TMIGD3: variants seen among roughly 807,000 people sequenced by gnomAD.
TMIGD3 encodes the protein AD026 protein (AD026).
Under a neutral mutation model 28.1 loss-of-function variants are expected in TMIGD3, and 21 were observed. The observed-to-expected ratio is 0.75, with a 90% CI of 0.53 to 1.08. The LOEUF (loss-of-function observed/expected upper bound fraction) is 1.08. Among genes scored for constraint, TMIGD3 ranks in the 50% least tolerant of loss-of-function variants. The pLI, the probability that TMIGD3 is intolerant of heterozygous loss-of-function variation, is 0.00. For missense variants in TMIGD3, 416 were observed against 435.6 expected (o/e 0.96, Z 0.40); for synonymous variants, 151 against 162.1 (o/e 0.93, Z 0.52).
At chr1:111,500,248 G>C in intron 1 of TMIGD3, 1 of 1,614,152 alleles carries the variant, frequency 6.2e-7, no homozygotes, top group Non-Finnish European at 8.5e-7. Context: ...TCCATAAAAT[G>C]CACCTGTCTC....
intron 1 of TMIGD3, chr1:111,499,796 G>T (rs1487398022): frequency 2.0e-6 from 3 of 1,471,158 alleles, no homozygotes; most frequent in Admixed American, 2.6e-5. Context: ...GTAGTGGAGT[G>T]GGGGAGATAT....
At chr1:111,525,517 T>C (rs80207885) in intron 1 of TMIGD3, among the ~76,000 whole-genome samples, 159 of 152,330 alleles carry the variant, frequency 1.0e-3, no homozygotes, top group South Asian at 2.3e-3. Flanking sequence ...GTTACCATGG[T>C]GTATGATTTT....
intron 5 of TMIGD3, among the ~76,000 whole-genome samples, chr1:111,484,117 C>T (rs188105800): frequency 6.6e-6 from 1 of 152,264 alleles, no homozygotes; most frequent in East Asian, 1.9e-4. Context: ...AAAGAAGTAG[C>T]GTTGAGTTCT....
upstream of TMIGD3, among the ~76,000 whole-genome samples, chr1:111,505,537 GAGA>G (rs1382250942): frequency 1.3e-5 from 2 of 152,216 alleles, no homozygotes; most frequent in African/African-American, 4.8e-5. Context: ...GAGAACAGAG[GAGA>G]AGGACTTTCA....
At chr1:111,543,817 G>T (rs895647201) in intron 1 of TMIGD3, among the ~76,000 whole-genome samples, 1 of 152,124 alleles carries the variant, frequency 6.6e-6, no homozygotes, top group Admixed American at 6.5e-5. Flanking sequence ...CATTCATTTT[G>T]TTATCCCAGG....
At chr1:111,487,082 T>C (rs971009646) in intron 3 of TMIGD3, among the ~76,000 whole-genome samples, 2 of 152,222 alleles carry the variant, frequency 1.3e-5, no homozygotes, top group Non-Finnish European at 2.9e-5. Context: ...GTAATTGCCA[T>C]GTTTTTCTTA....
At chr1:111,558,399 C>G (rs1657593049) in intron 1 of TMIGD3, among the ~76,000 whole-genome samples, 1 of 151,618 alleles carries the variant, frequency 6.6e-6, no homozygotes, top group African/African-American at 2.4e-5. Flanking sequence ...GTTGCCCAAG[C>G]TGGTCTTGAA....
intron 1 of TMIGD3, among the ~76,000 whole-genome samples, chr1:111,549,929 A>G (rs1263263693): frequency 4.6e-5 from 7 of 152,212 alleles, no homozygotes; most frequent in Non-Finnish European, 1.5e-5. Flanking sequence ...CTGGAATTAC[A>G]GGCATGAGCA....
chr1:111,485,864 C>A (rs115977304), intron 4 of TMIGD3, 24 bp from the exon 5 acceptor site: 64,731 of 1,575,652 alleles, frequency 0.041, 1,488 homozygotes, highest in Non-Finnish European at 0.043. Context: ...CAGCAGATTT[C>A]ATGTTGCTTG....
At chr1:111,508,071 G>C (rs751973719), upstream of TMIGD3, among the ~76,000 whole-genome samples, 3 of 152,238 alleles carry the variant, frequency 2.0e-5, no homozygotes, top group African/African-American at 7.2e-5. Context: ...CTCCATGCCA[G>C]TGTTGGTGGG....
chr1:111,536,638 A>AT (rs149105848), intron 1 of TMIGD3, among the ~76,000 whole-genome samples: 3 of 151,748 alleles, frequency 2.0e-5, no homozygotes, highest in East Asian at 1.9e-4. Context: ...ATGATAAACC[A>AT]TTTTTTTTGT....
Position 111,557,509 on chromosome 1 carries a change from C to A in TMIGD3, c.107+6337G>T, listed in dbSNP as rs137903629. ...AGGTTGCAGTGAGCCGAGATCACACCACTGCACTCCAGCCTGGGCAATAGA... is the reference window on the plus strand; with the variant it reads ...AGGTTGCAGTGAGCCGAGATCACACAACTGCACTCCAGCCTGGGCAATAGA... On this transcript the variant is annotated intron_variant, in intron 1 of 5. Coordinates refer to the TMIGD3 transcript ENST00000369717. 2.9e-3 allele frequency among the ~76,000 whole-genome samples: 435 copies of A among 151,822 alleles called. 3 individuals carry two copies. The highest frequency in any genetic ancestry group is 9.9e-3 in the African/African-American group (408 of 41,384).
At chr1:111,497,943 C>G in intron 1 of TMIGD3, among the ~76,000 whole-genome samples, 1 of 152,202 alleles carries the variant, frequency 6.6e-6, no homozygotes, top group East Asian at 1.9e-4. Context: ...AGGACCCTTC[C>G]TCTCATTTCT....
Position 111,488,771 on chromosome 1 carries a change from G to T in TMIGD3, c.711C>A (p.Ile237=). The T allele has an allele frequency of 6.2e-7, 1 of 1,614,204 alleles. No homozygotes were observed. Among genetic ancestry groups the T allele is most frequent in the Non-Finnish European group, 8.5e-7 (1 of 1,180,034 alleles). Residue 237 remains isoleucine, a synonymous_variant, in exon 3 of 6, where the codon ATC becomes ATA. Transcript: ENST00000369716. ...TGTCATCCCTGGCAAAGTCCCGCTG[G>T]ATGCCACACCAGTACCAGCCCGTGT... ...KEDTGWYWCG[I]QRDFARDDMD...
chr1:111,520,297 G>A (rs1179130473), intron 1 of TMIGD3, among the ~76,000 whole-genome samples: 1 of 152,210 alleles, frequency 6.6e-6, no homozygotes, highest in African/African-American at 2.4e-5. Flanking sequence ...CAGTCAGGTA[G>A]CTGCCATCTC....
chr1:111,558,352 AT>A (rs5777065), intron 1 of TMIGD3, among the ~76,000 whole-genome samples: 82,351 of 144,914 alleles, frequency 0.57, 23,700 homozygotes, highest in African/African-American at 0.73. Context: ...TAATTTTTCT[AT>A]TTTTTTTTTT....
chr1:111,536,357 G>A (rs1656639640), intron 1 of TMIGD3, among the ~76,000 whole-genome samples: 1 of 152,092 alleles, frequency 6.6e-6, no homozygotes, highest in African/African-American at 2.4e-5. Context: ...AGGAAACTGA[G>A]GCCAAAGAAG....
intron 1 of TMIGD3, among the ~76,000 whole-genome samples, chr1:111,519,698 C>CT (rs796777575): frequency 0.053 from 7,577 of 142,170 alleles, 206 homozygotes; most frequent in African/African-American, 0.062. Flanking sequence ...CTTTTCTCTT[C>CT]TTTTTTTTTT....
chr1:111,539,887 T>C (rs906314248), intron 1 of TMIGD3, among the ~76,000 whole-genome samples: 1 of 152,204 alleles, frequency 6.6e-6, no homozygotes, highest in African/African-American at 2.4e-5. Flanking sequence ...TAGCTAGCTC[T>C]CTGCTAAAAG....
Sources: allele counts gnomAD v4.1 joint callset (sites outside exome capture counted in the v4.1 genomes callset), GRCh38; gene constraint gnomAD v4.1.1; transcripts MANE v1.5; gene names NCBI Gene and HGNC (gene_info 2026-07-23, HGNC 2026-07-21).